Variants in PABPC1L observed in about 807,000 individuals in gnomAD.
The protein encoded by PABPC1L is poly(A) binding protein cytoplasmic 1 like.
A neutral mutation model predicts 66.6 loss-of-function variants in PABPC1L; 31 were observed. That is an observed-to-expected ratio of 0.47 (90% CI 0.35 to 0.63). The LOEUF is 0.63. Among genes scored for constraint, PABPC1L ranks in the 20% least tolerant of loss-of-function variants. PABPC1L has a pLI of 0.00. For missense variants in PABPC1L, 722 were observed against 848.8 expected (o/e 0.85, Z 1.86); for synonymous variants, 348 against 335.1 (o/e 1.04, Z -0.42).
Position 44,935,476 on chromosome 20 carries a change from A to T in PABPC1L, c.1545A>T (p.Ser515=), listed in dbSNP as rs1036533284. Reference sequence around the variant, plus strand: ...CGCTCCTGCCGTGCAAATGTTCCTCAGCAGCACATAGCACCTATCGGGTAA... The same window carrying T: ...CGCTCCTGCCGTGCAAATGTTCCTCTGCAGCACATAGCACCTATCGGGTAA... ...GRPLLPCKCS[S]AAHSTYRVQE... The change falls in exon 11 of 15, where the codon TCA becomes TCT. Residue 515 remains serine, a synonymous_variant. Transcript: ENST00000217073. 3 of 1,614,188 alleles carry T rather than the reference A, an allele frequency of 1.9e-6. No homozygotes were observed. The South Asian group carries it at 3.3e-5, about 18-fold the overall frequency.
At chr20:44,919,130 G>C in intron 4 of PABPC1L, 53 bp from the exon 5 acceptor site, 2 of 1,613,966 alleles carry the variant, frequency 1.2e-6, no homozygotes, top group Admixed American at 3.3e-5. Context: ...GCTCTCCTGG[G>C]GTTTCCTGAG....
intron 9 of PABPC1L, chr20:44,932,654 C>T (rs376291028): frequency 1.9e-6 from 1 of 519,082 alleles, no homozygotes. Flanking sequence ...TAGCCACCAG[C>T]AGTCATCACC....
chr20:44,937,147 G>C, intron 12 of PABPC1L: 1 of 369,122 alleles, frequency 2.7e-6, no homozygotes, highest in Admixed American at 3.6e-5. Flanking sequence ...AATGCGGGCA[G>C]GTGGGGCATC....
chr20:44,933,775 G>A (rs1883179468), intron 10 of PABPC1L, among the ~76,000 whole-genome samples: 1 of 125,242 alleles, frequency 8.0e-6, no homozygotes, highest in Non-Finnish European at 1.6e-5. Flanking sequence ...TTTTGAGATC[G>A]AGTCTTGCTC....
At position 44,938,074 on chromosome 20, in the gene PABPC1L, C is replaced by T; in HGVS notation, c.1674C>T (p.Tyr558=). 6.2e-7 allele frequency: 1 copy of T among 1,614,160 alleles called. No individual in the cohort carries two copies. Among genetic ancestry groups the T allele is most frequent in the Admixed American group, 1.7e-5 (1 of 60,016 alleles). The change falls in exon 13 of 15, where the codon TAC becomes TAT. Residue 558 remains tyrosine (Y), a synonymous_variant. Transcript: ENST00000217073. ...TGTTCCACACAGGGGAGCGTCTCTACCCCCTTATCCATGATGTCCACACCC... is the reference window on the plus strand; with the variant it reads ...TGTTCCACACAGGGGAGCGTCTCTATCCCCTTATCCATGATGTCCACACCC... ...EQKQMIGERL[Y]PLIHDVHTQL...
chr20:44,914,980 T>C (rs1263970609), intron 2 of PABPC1L, among the ~76,000 whole-genome samples: 1 of 152,176 alleles, frequency 6.6e-6, no homozygotes, highest in African/African-American at 2.4e-5. Context: ...ACAAGGGAAG[T>C]ATGTAATGCC....
At chr20:44,913,510 T>C (rs1249166391) in intron 2 of PABPC1L, among the ~76,000 whole-genome samples, 1 of 151,962 alleles carries the variant, frequency 6.6e-6, no homozygotes, top group Non-Finnish European at 1.5e-5. Flanking sequence ...GGTTCAAGCC[T>C]CCTGAGTTCA....
At chr20:44,923,216 G>GC (rs1299799134) in intron 6 of PABPC1L, among the ~76,000 whole-genome samples, 1 of 152,188 alleles carries the variant, frequency 6.6e-6, no homozygotes, top group Non-Finnish European at 1.5e-5. Context: ...TCCTGTCTCT[G>GC]CCACTTAGCT....
intron 10 of PABPC1L, among the ~76,000 whole-genome samples, chr20:44,934,409 C>T (rs961131551): frequency 6.6e-6 from 1 of 152,204 alleles, no homozygotes; most frequent in Admixed American, 6.5e-5. Context: ...TGTGCACTGT[C>T]ACCACCATCC....
chr20:44,919,512 A>G (rs1184170547), intron 5 of PABPC1L, among the ~76,000 whole-genome samples: 1 of 152,246 alleles, frequency 6.6e-6, no homozygotes, highest in Non-Finnish European at 1.5e-5. Context: ...GTAGGGATGC[A>G]GAAGTCATTA....
intron 12 of PABPC1L, chr20:44,936,942 G>A (rs1320659890): frequency 3.0e-6 from 2 of 657,152 alleles, no homozygotes; most frequent in Non-Finnish European, 5.8e-6. Flanking sequence ...ATGGTCCTGA[G>A]CTTTCTTCCA....
rs2066691580 is a variant in PABPC1L at position 44,910,068 on chromosome 20, C to T, written c.-76C>T. 1 of 1,320,734 alleles carries T rather than the reference C, an allele frequency of 7.6e-7. No homozygotes were observed. The highest frequency in any genetic ancestry group is 2.6e-5 in the Admixed American group (1 of 39,012). The allele number at this position is 1,320,734 out of a possible 1,614,324, so 81.8% of individuals were successfully genotyped here. A position where few individuals can be genotyped will look rare whatever the true frequency, so the allele number is the denominator to read the frequency against. On this transcript the variant is annotated 5_prime_UTR_variant, in exon 1 of 15. Coordinates refer to ENST00000217073, the MANE Select transcript of PABPC1L (RefSeq NM_001372179.1). ...GCGGGCCCGCGCCCAGGAAGGAGGG[C>T]TTCCGCCCGGGTGAGCGCGGGGCTG...
At chr20:44,930,424 C>T (rs748696538) in intron 7 of PABPC1L, 36 bp from the exon 8 acceptor site, 16 of 1,588,086 alleles carry the variant, frequency 1.0e-5, no homozygotes, top group South Asian at 9.3e-5. Flanking sequence ...GCCTTCCTTC[C>T]CCACCCCAGC....
chr20:44,911,498 A>G (rs1208022371), intron 1 of PABPC1L, among the ~76,000 whole-genome samples: 1 of 152,104 alleles, frequency 6.6e-6, no homozygotes, highest in Non-Finnish European at 1.5e-5. Context: ...AAAAGAAACA[A>G]CAACGAAAAT....
intron 7 of PABPC1L, among the ~76,000 whole-genome samples, chr20:44,925,136 C>T (rs2066800454): frequency 1.3e-5 from 2 of 150,258 alleles, no homozygotes; most frequent in Non-Finnish European, 2.9e-5. Context: ...TGGCATGAAC[C>T]CAGGAGGCGG....
At chr20:44,936,769 A>G in intron 12 of PABPC1L, 39 bp downstream of exon 12, 9 of 1,569,176 alleles carry the variant, frequency 5.7e-6, no homozygotes, top group Non-Finnish European at 7.8e-6. Context: ...CAAGAAGAGG[A>G]GGGCTGCGAG....
chr20:44,930,783 A>T, intron 8 of PABPC1L, 57 bp downstream of exon 8: 1 of 1,576,132 alleles, frequency 6.3e-7, no homozygotes, highest in East Asian at 2.2e-5. Context: ...AGCAAGGCAG[A>T]GCATGAAGAC....
intron 6 of PABPC1L, 61 bp downstream of exon 6, chr20:44,921,792 C>T: frequency 1.3e-6 from 2 of 1,596,328 alleles, no homozygotes; most frequent in East Asian, 2.2e-5. Flanking sequence ...TGTCGGGGGC[C>T]CTGAGTGGTG....
At chr20:44,918,364 T>A (rs1169497816) in intron 3 of PABPC1L, among the ~76,000 whole-genome samples, 1 of 152,218 alleles carries the variant, frequency 6.6e-6, no homozygotes, top group East Asian at 1.9e-4. Flanking sequence ...ATTAATCTTG[T>A]ATTTAAGTGA....
Sources: allele counts gnomAD v4.1 joint callset (sites outside exome capture counted in the v4.1 genomes callset), GRCh38; gene constraint gnomAD v4.1.1; transcripts MANE v1.5; gene names NCBI Gene and HGNC (gene_info 2026-07-23, HGNC 2026-07-21).